The following WDPCP variants were observed in gnomAD, a reference collection of about 807,000 sequenced individuals.
WDPCP encodes WD repeat containing planar cell polarity effector, also known as WD repeat-containing and planar cell polarity effector protein fritz homolog.
Under a neutral mutation model 93.1 loss-of-function variants are expected in WDPCP, and 71 were observed. The observed-to-expected ratio is 0.76, with a 90% CI of 0.63 to 0.93. The LOEUF (loss-of-function observed/expected upper bound fraction) is 0.93, where lower values mean the gene tolerates loss of function less well. WDPCP is among the 40% of genes least tolerant of loss of function. WDPCP has a pLI of 0.00. For missense variants in WDPCP, 844 were observed against 887.4 expected (o/e 0.95, Z 0.62); for synonymous variants, 315 against 315.0 (o/e 1.00, Z 0.00).
chr2:63,384,511 G>A (rs999853187), intron 10 of WDPCP, among the ~76,000 whole-genome samples: 12 of 151,812 alleles, frequency 7.9e-5, no homozygotes, highest in Non-Finnish European at 1.5e-4. Flanking sequence ...ACACACACAC[G>A]TGCACCAATG....
chr2:63,719,788 G>GT (rs1465465180), intron 2 of WDPCP, among the ~76,000 whole-genome samples: 1 of 151,940 alleles, frequency 6.6e-6, no homozygotes, highest in Non-Finnish European at 1.5e-5. Flanking sequence ...TGTTATAAAA[G>GT]TTTTTAAAAG....
chr2:63,571,676 G>T, intron 1 of WDPCP: 1 of 463,306 alleles, frequency 2.2e-6, no homozygotes, highest in South Asian at 1.6e-5. Flanking sequence ...ACTAGAAGTG[G>T]CTCGTATTTT....
chr2:63,271,977 C>A (rs964171918), intron 13 of WDPCP, among the ~76,000 whole-genome samples: 2 of 152,046 alleles, frequency 1.3e-5, no homozygotes, highest in Non-Finnish European at 2.9e-5. Flanking sequence ...CCCAAGGACC[C>A]ACCCACCCAC....
chr2:63,622,078 T>TTTTTG, intron 3 of WDPCP: 3 of 1,060,192 alleles, frequency 2.8e-6, no homozygotes, highest in South Asian at 3.8e-5. Context: ...TTTTTTTTTT[T>TTTTTG]TTTTTTGGAA....
intron 12 of WDPCP, among the ~76,000 whole-genome samples, chr2:63,335,910 T>C (rs1688329341): frequency 1.3e-5 from 2 of 152,214 alleles, no homozygotes; most frequent in African/African-American, 4.8e-5. Flanking sequence ...AAAACCAAAA[T>C]GGCAACGAGA....
chr2:63,285,741 T>C lies in WDPCP; in HGVS notation c.1813-26332A>G, dbSNP rs1021896830. On this transcript the variant is annotated intron_variant, in intron 13 of 17. Transcript: ENST00000272321. ...CTGAAAGAGCTGAAAGTAGAAGTAA[T>C]GAAATCCACAATTATAGTAAATAGT... 7.7e-4 allele frequency among the ~76,000 whole-genome samples: 117 copies of C among 152,280 alleles called. No homozygotes were observed. The Middle Eastern group carries it at 0.01, about 13-fold the overall frequency.
intron 7 of WDPCP, among the ~76,000 whole-genome samples, chr2:63,438,714 C>A (rs1266593153): frequency 6.6e-6 from 1 of 152,032 alleles, no homozygotes; most frequent in African/African-American, 2.4e-5. Context: ...CTGCAGAGTT[C>A]TTTTCTTCAA....
intron 14 of WDPCP, among the ~76,000 whole-genome samples, chr2:63,213,247 A>G (rs1676993498): frequency 6.6e-6 from 1 of 152,208 alleles, no homozygotes; most frequent in Non-Finnish European, 1.5e-5. Flanking sequence ...AGCAAATGTA[A>G]AAGAACAGAA....
At chr2:63,693,439 T>TTAGA (rs55755279) in intron 2 of WDPCP, among the ~76,000 whole-genome samples, 42,155 of 145,292 alleles carry the variant, frequency 0.29, 6,252 homozygotes, top group East Asian at 0.34. Flanking sequence ...GATATAGATA[T>TTAGA]TAGATAGATA....
At chr2:63,272,863 T>C (rs1241893165) in intron 13 of WDPCP, among the ~76,000 whole-genome samples, 4 of 152,190 alleles carry the variant, frequency 2.6e-5, no homozygotes, top group South Asian at 2.1e-4. Context: ...ACTTCCCAAA[T>C]CTTACAAGAG....
At chr2:63,677,581 A>C (rs966068664) in intron 2 of WDPCP, among the ~76,000 whole-genome samples, 3 of 152,174 alleles carry the variant, frequency 2.0e-5, no homozygotes, top group Non-Finnish European at 4.4e-5. Flanking sequence ...AAAAACTATA[A>C]AGAAACAGCC....
At chr2:63,382,819 G>C (rs1055200497) in intron 10 of WDPCP, among the ~76,000 whole-genome samples, 1 of 152,062 alleles carries the variant, frequency 6.6e-6, no homozygotes, top group African/African-American at 2.4e-5. Flanking sequence ...AGGGAATCTG[G>C]GGAATTGCCC....
intron 17 of WDPCP, among the ~76,000 whole-genome samples, chr2:63,126,026 C>T (rs189144220): frequency 1.3e-5 from 2 of 151,700 alleles, no homozygotes; most frequent in African/African-American, 2.4e-5. Flanking sequence ...CCTTGACCTC[C>T]GAGGCTCAGG....
intron 6 of WDPCP, among the ~76,000 whole-genome samples, chr2:63,444,004 GA>G (rs976205874): frequency 3.9e-5 from 6 of 152,128 alleles, no homozygotes; most frequent in Admixed American, 2.6e-4. Context: ...TACATAATCA[GA>G]AATGTGTCTG....
intron 1 of WDPCP, among the ~76,000 whole-genome samples, chr2:63,569,663 G>A (rs569570204): frequency 3.3e-5 from 5 of 152,272 alleles, no homozygotes; most frequent in South Asian, 4.1e-4. Flanking sequence ...GCTAACTCAC[G>A]TGGGCAAGGG....
At chr2:63,753,283 G>T (rs1669910105) in intron 2 of WDPCP, among the ~76,000 whole-genome samples, 1 of 151,954 alleles carries the variant, frequency 6.6e-6, no homozygotes. Flanking sequence ...TACAAAATTA[G>T]CCGTGCATGA....
At position 63,367,345 on chromosome 2, in the gene WDPCP, C is replaced by CA. The variant is rs1339261965; in HGVS notation, c.1748+11040dup. The stretch of plus-strand genomic sequence containing the variant: ...CTGTGGGTGTAGTAAGTAAATTTCA[C>CA]AAAAAAATAGTGACAGGAATATATG... On this transcript the variant is annotated intron_variant, in intron 12 of 17. Coordinates refer to ENST00000272321, the MANE Select transcript of WDPCP (RefSeq NM_015910.7). Among the ~76,000 whole-genome samples, 4 of 151,812 alleles carry CA rather than the reference C, an allele frequency of 2.6e-5. No homozygotes were observed. In the South Asian group the frequency reaches 6.2e-4, roughly 24 times the overall value.
At chr2:63,796,714 A>C (rs184515198) in intron 2 of WDPCP, among the ~76,000 whole-genome samples, 153 of 152,354 alleles carry the variant, frequency 1.0e-3, no homozygotes, top group Non-Finnish European at 1.4e-3. Context: ...CCGAGTTCTT[A>C]CTACCACAGG....
intron 1 of WDPCP, among the ~76,000 whole-genome samples, chr2:63,526,329 G>T (rs964799315): frequency 2.6e-5 from 4 of 151,976 alleles, no homozygotes; most frequent in African/African-American, 4.8e-5. Context: ...ATTTCGTGTT[G>T]TCCAACACTA....
Sources: gnomAD v4.1 joint callset for allele counts (sites outside exome capture counted in the v4.1 genomes callset) on GRCh38, gnomAD v4.1.1 for gene constraint, MANE v1.5 for transcripts, NCBI Gene and HGNC (gene_info 2026-07-23, HGNC 2026-07-21) for gene names.